Variants in DNAAF4 observed in about 807,000 individuals in gnomAD.
DNAAF4 encodes dynein axonemal assembly factor 4.
A neutral mutation model predicts 51.8 loss-of-function variants in DNAAF4; 43 were observed. The observed-to-expected ratio is 0.83, with a 90% CI of 0.65 to 1.07. The LOEUF (loss-of-function observed/expected upper bound fraction) is 1.07. Among genes scored for constraint, DNAAF4 ranks in the 50% least tolerant of loss-of-function variants. The probability of loss-of-function intolerance (pLI) is 0.00; values close to 1 mark genes in which losing one functional copy is unlikely to be tolerated. For synonymous variants in DNAAF4, 194 were observed against 165.6 expected, an observed-to-expected ratio of 1.17 and a Z score of -1.32; for missense variants, 581 against 493.0, an observed-to-expected ratio of 1.18 and a Z score of -1.69.
downstream of DNAAF4, among the ~76,000 whole-genome samples, chr15:55,426,589 C>T (rs1392228289): frequency 6.6e-6 from 1 of 152,104 alleles, no homozygotes; most frequent in Non-Finnish European, 1.5e-5. Flanking sequence ...GCCACCATGT[C>T]CGGCTAATTT....
At chr15:55,446,406 C>G (rs2057816377) in intron 6 of DNAAF4, among the ~76,000 whole-genome samples, 1 of 147,418 alleles carries the variant, frequency 6.8e-6, no homozygotes, top group Admixed American at 6.8e-5. Flanking sequence ...AGGCGCTCCT[C>G]ACTTCCCAGA....
chr15:55,477,324 A>AAT (rs2058349135), intron 4 of DNAAF4, among the ~76,000 whole-genome samples: 1 of 152,130 alleles, frequency 6.6e-6, no homozygotes. Flanking sequence ...TTAAAAAGAC[A>AAT]ATATATATAT....
chr15:55,497,049 C>A (rs2058650071), intron 3 of DNAAF4, among the ~76,000 whole-genome samples: 2 of 152,156 alleles, frequency 1.3e-5, no homozygotes, highest in South Asian at 4.1e-4. Flanking sequence ...CCTATCTATT[C>A]TTCTAAGGAT....
intron 6 of DNAAF4, among the ~76,000 whole-genome samples, chr15:55,440,971 G>A (rs371914015): frequency 3.0e-4 from 45 of 148,046 alleles, no homozygotes; most frequent in East Asian, 1.0e-3. Context: ...TTGAGCCACC[G>A]TGCCCGTCCT....
chr15:55,444,224 G>C (rs924954327), intron 6 of DNAAF4, among the ~76,000 whole-genome samples: 1 of 152,116 alleles, frequency 6.6e-6, no homozygotes, highest in African/African-American at 2.4e-5. Context: ...TTTTGTATAA[G>C]GTGTAAGGAA....
chr15:55,461,648 G>A (rs2058096100), intron 5 of DNAAF4, among the ~76,000 whole-genome samples: 1 of 152,102 alleles, frequency 6.6e-6, no homozygotes, highest in African/African-American at 2.4e-5. Flanking sequence ...AGTGCTAAGA[G>A]GAAAGTTCAT....
At chr15:55,453,224 C>A (rs1216329718) in intron 5 of DNAAF4, among the ~76,000 whole-genome samples, 1 of 152,120 alleles carries the variant, frequency 6.6e-6, no homozygotes, top group Non-Finnish European at 1.5e-5. Context: ...ATGGAAGCTC[C>A]AGGTATTCCT....
intron 3 of DNAAF4, among the ~76,000 whole-genome samples, chr15:55,493,871 A>AT (rs879426254): frequency 2.3e-4 from 33 of 146,350 alleles, no homozygotes; most frequent in Admixed American, 2.8e-4. Flanking sequence ...TGCCCGGCTA[A>AT]TTTTTTTTTT....
At chr15:55,418,638 G>A (rs575872502) in intron 7 of DNAAF4, 14 of 1,057,448 alleles carry the variant, frequency 1.3e-5, no homozygotes, top group Non-Finnish European at 1.8e-5. Context: ...TCTAAGGGTA[G>A]AATACCTAAT....
intron 4 of DNAAF4, among the ~76,000 whole-genome samples, chr15:55,474,366 T>C (rs2058307688): frequency 1.3e-5 from 2 of 152,032 alleles, no homozygotes; most frequent in South Asian, 4.2e-4. Flanking sequence ...AAACCTTGTC[T>C]CTACTAAAAA....
intron 4 of DNAAF4, among the ~76,000 whole-genome samples, chr15:55,473,198 A>AAAAAAAAAATATATAT (rs1209754897): frequency 2.6e-5 from 2 of 75,750 alleles, no homozygotes; most frequent in African/African-American, 1.1e-4. Context: ...AAAAAAAAAA[A>AAAAAAAAAATATATAT]ATATATATAT....
intron 5 of DNAAF4, among the ~76,000 whole-genome samples, chr15:55,465,389 T>TAAACAC (rs200097648): frequency 7.8e-6 from 1 of 128,498 alleles, no homozygotes; most frequent in Non-Finnish European, 1.6e-5. Context: ...ATATGGTGTA[T>TAAACAC]ATATACACAC....
intron 1 of DNAAF4, among the ~76,000 whole-genome samples, chr15:55,499,155 G>A (rs1182356226): frequency 1.3e-5 from 2 of 152,122 alleles, no homozygotes; most frequent in Non-Finnish European, 2.9e-5. Context: ...GTGAACAAAT[G>A]TGAACCTGAA....
chr15:55,488,884 C>T (rs1018424410), intron 4 of DNAAF4, among the ~76,000 whole-genome samples: 6 of 152,034 alleles, frequency 3.9e-5, no homozygotes, highest in Admixed American at 1.3e-4. Flanking sequence ...GTTAGGAGAG[C>T]GAGACCATCC....
intron 4 of DNAAF4, among the ~76,000 whole-genome samples, chr15:55,482,581 A>C (rs1338118683): frequency 1.3e-5 from 2 of 152,176 alleles, no homozygotes; most frequent in African/African-American, 4.8e-5. Flanking sequence ...CAGGAGGCTG[A>C]GGCAGGAGAA....
intron 3 of DNAAF4, among the ~76,000 whole-genome samples, chr15:55,491,966 C>A (rs1452878675): frequency 6.6e-6 from 1 of 151,330 alleles, no homozygotes; most frequent in African/African-American, 2.4e-5. Flanking sequence ...AAGCAATCCT[C>A]CTACCTCAGC....
intron 3 of DNAAF4, among the ~76,000 whole-genome samples, chr15:55,494,569 G>A (rs1324180168): frequency 2.0e-5 from 3 of 151,734 alleles, no homozygotes; most frequent in Admixed American, 2.0e-4. Context: ...CCACTACCAC[G>A]CCTGACGAAG....
intron 1 of DNAAF4, among the ~76,000 whole-genome samples, chr15:55,500,108 AC>A (rs1325651209): frequency 6.6e-6 from 1 of 152,144 alleles, no homozygotes; most frequent in Non-Finnish European, 1.5e-5. Flanking sequence ...ATAATACAAA[AC>A]CCTGGATTTT....
intron 8 of DNAAF4, among the ~76,000 whole-genome samples, chr15:55,432,839 A>G (rs544686471): frequency 6.1e-4 from 92 of 151,926 alleles, no homozygotes; most frequent in Admixed American, 9.9e-4. Flanking sequence ...AGTCCTAGCT[A>G]CTTGGGAGGC....
Sources: allele counts gnomAD v4.1 joint callset (sites outside exome capture counted in the v4.1 genomes callset), GRCh38; gene constraint gnomAD v4.1.1; transcripts MANE v1.5; gene names NCBI Gene and HGNC (gene_info 2026-07-23, HGNC 2026-07-21).